Variants in WWC2 observed in about 807,000 individuals in gnomAD.
WWC2 encodes WW and C2 domain containing 2, also known as protein WWC2.
Under a neutral mutation model 138.5 loss-of-function variants are expected in WWC2, and 101 were observed. That is an observed-to-expected ratio of 0.73 (90% CI 0.62 to 0.86). The LOEUF is 0.86. Among genes scored for constraint, WWC2 ranks in the 40% least tolerant of loss-of-function variants. The pLI, the probability that WWC2 is intolerant of heterozygous loss-of-function variation, is 0.00. For missense variants in WWC2, 1,420 were observed against 1,419.4 expected (o/e 1.00, Z -0.01); for synonymous variants, 558 against 538.4 (o/e 1.04, Z -0.50).
Position 183,271,097 on chromosome 4 carries a change from C to T in WWC2, c.2418C>T (p.Ser806=). The T allele has an allele frequency of 6.2e-7, 1 of 1,601,730 alleles. No homozygotes were observed. ...REECLAGTQI[S]LADLPFSSEV... is the part of the protein sequence containing the mutation. Reference sequence around the variant, plus strand: ...TTACATAGGCTGGAACTCAGATCAGCCTGGCAGATTTACCATTTTCCAGTG... The same window carrying T: ...TTACATAGGCTGGAACTCAGATCAGTCTGGCAGATTTACCATTTTCCAGTG... The change falls in exon 16 of 23, where the codon AGC becomes AGT. Residue 806 remains serine, a synonymous_variant. Coordinates refer to ENST00000403733, the MANE Select transcript of WWC2 (RefSeq NM_024949.6).
rs913230887 is a variant in WWC2, at chr4:183,274,986, T to C, written c.2562+3745T>C. Among the ~76,000 whole-genome samples, 4 of 152,182 alleles carry C rather than the reference T, an allele frequency of 2.6e-5. No individual in the cohort carries two copies. In the East Asian group the frequency reaches 7.7e-4, roughly 29 times the overall value. On this transcript the variant is annotated intron_variant, in intron 16 of 22. Transcript: ENST00000403733. ...TGTAATACAATGTTGTTAATTACAG[T>C]CACCTTACTGGGCATTAGAACAGCA...
intron 1 of WWC2, among the ~76,000 whole-genome samples, chr4:183,108,360 C>T (rs1579943475): frequency 6.6e-6 from 1 of 151,972 alleles, no homozygotes; most frequent in East Asian, 1.9e-4. Flanking sequence ...GTAGTAACTC[C>T]AGTCTAATCT....
intron 17 of WWC2, among the ~76,000 whole-genome samples, chr4:183,282,271 G>C (rs1358009087): frequency 6.6e-6 from 1 of 152,116 alleles, no homozygotes; most frequent in Non-Finnish European, 1.5e-5. Context: ...GATTCTCCCT[G>C]CTCGACTGTG....
chr4:183,214,118 CT>C (rs1467239756), intron 4 of WWC2, among the ~76,000 whole-genome samples: 1 of 152,164 alleles, frequency 6.6e-6, no homozygotes, highest in Non-Finnish European at 1.5e-5. Flanking sequence ...ATTGCATGTG[CT>C]TTAATACAAC....
At chr4:183,172,811 G>C (rs1734333405) in intron 1 of WWC2, among the ~76,000 whole-genome samples, 1 of 151,684 alleles carries the variant, frequency 6.6e-6, no homozygotes, top group African/African-American at 2.4e-5. Context: ...TATTTACTTT[G>C]TTCTCTCTCT....
intron 1 of WWC2, among the ~76,000 whole-genome samples, chr4:183,144,827 C>T (rs17074428): frequency 0.072 from 11,031 of 152,236 alleles, 737 homozygotes; most frequent in African/African-American, 0.17. Context: ...AAGATAATGT[C>T]GTAAGCAAAC....
At chr4:183,175,741 T>C (rs1734449991) in intron 1 of WWC2, among the ~76,000 whole-genome samples, 1 of 152,202 alleles carries the variant, frequency 6.6e-6, no homozygotes, top group South Asian at 2.1e-4. Flanking sequence ...TAGAAAAAGA[T>C]AAATAAAGAT....
At chr4:183,117,928 G>A (rs1732469505) in intron 1 of WWC2, among the ~76,000 whole-genome samples, 1 of 151,956 alleles carries the variant, frequency 6.6e-6, no homozygotes, top group South Asian at 2.1e-4. Context: ...TGCCCCCCAA[G>A]TAGCTGGGAC....
intron 2 of WWC2, among the ~76,000 whole-genome samples, chr4:183,201,695 A>C (rs974324229): frequency 2.0e-5 from 3 of 152,262 alleles, no homozygotes; most frequent in South Asian, 2.1e-4. Flanking sequence ...CTTGGGGCCA[A>C]CCAGAAATAC....
chr4:183,233,467 A>G (rs1034947603), intron 4 of WWC2, among the ~76,000 whole-genome samples: 1 of 151,886 alleles, frequency 6.6e-6, no homozygotes, highest in Non-Finnish European at 1.5e-5. Flanking sequence ...TACTGGTTTA[A>G]TTATTTGTGG....
At chr4:183,285,375 T>A (rs1461197122) in intron 19 of WWC2, among the ~76,000 whole-genome samples, 3 of 152,194 alleles carry the variant, frequency 2.0e-5, no homozygotes, top group Admixed American at 2.0e-4. Context: ...AAATATCATG[T>A]ATTAGCTAAA....
chr4:183,277,027 T>C (rs1329967695), intron 16 of WWC2, among the ~76,000 whole-genome samples: 1 of 151,446 alleles, frequency 6.6e-6, no homozygotes, highest in Admixed American at 6.6e-5. Flanking sequence ...ATGTGCACAT[T>C]GTGCAGGTTA....
intron 21 of WWC2, among the ~76,000 whole-genome samples, chr4:183,294,909 A>T (rs910196480): frequency 6.6e-6 from 1 of 152,208 alleles, no homozygotes; most frequent in Admixed American, 6.5e-5. Flanking sequence ...AAGTAGATGT[A>T]AAGTAGGAGT....
chr4:183,138,518 A>G (rs1481420614), intron 1 of WWC2, among the ~76,000 whole-genome samples: 4 of 152,176 alleles, frequency 2.6e-5, no homozygotes, highest in South Asian at 4.1e-4. Context: ...TGTGTTATCT[A>G]TGGCTGCTTT....
chr4:183,281,526 TTTGAG>T (rs1391455479), intron 17 of WWC2: 8 of 152,236 alleles, frequency 5.3e-5, no homozygotes, highest in Non-Finnish European at 1.2e-4. Flanking sequence ...TGTGAAATCA[TTTGAG>T]TTAATTTTTA....
At chr4:183,215,248 C>T (rs1735722945) in intron 4 of WWC2, among the ~76,000 whole-genome samples, 1 of 152,212 alleles carries the variant, frequency 6.6e-6, no homozygotes. Flanking sequence ...TGTGGTCTCT[C>T]TCTCTCTCTC....
At chr4:183,291,180 A>G (rs370504513) in intron 21 of WWC2, among the ~76,000 whole-genome samples, 1 of 152,208 alleles carries the variant, frequency 6.6e-6, no homozygotes, top group Non-Finnish European at 1.5e-5. Flanking sequence ...CTACGAGAGC[A>G]GTGCTTCCTG....
At chr4:183,275,211 A>G (rs1036712159) in intron 16 of WWC2, among the ~76,000 whole-genome samples, 13 of 152,000 alleles carry the variant, frequency 8.6e-5, no homozygotes, top group African/African-American at 3.1e-4. Context: ...TAGTTTTTTT[A>G]GTGGATTCCA....
chr4:183,320,487 G>A lies in WWC2; in HGVS notation c.*4758G>A. ...GGCTGGATTTGACAGAAAGCAGTTT[G>A]TCACTGAAATATAATTAAGTGATAA... On this transcript the variant is annotated 3_prime_UTR_variant, in exon 23 of 23. Coordinates refer to ENST00000403733, the MANE Select transcript of WWC2 (RefSeq NM_024949.6). The A allele has an allele frequency of 2.1e-6, 1 of 469,260 alleles. No individual in the cohort carries two copies. Among genetic ancestry groups the A allele is most frequent in the East Asian group, 3.5e-5 (1 of 28,476 alleles). The allele number at this position is 469,260 out of a possible 1,614,324, so 29.1% of individuals were successfully genotyped here.
Sources: allele counts gnomAD v4.1 joint callset (sites outside exome capture counted in the v4.1 genomes callset), GRCh38; gene constraint gnomAD v4.1.1; transcripts MANE v1.5; gene names NCBI Gene and HGNC (gene_info 2026-07-23, HGNC 2026-07-21).